The following USP13 variants were observed in gnomAD, a reference collection of about 807,000 sequenced individuals.
USP13 encodes the protein ubiquitin carboxyl-terminal hydrolase 13.
In USP13, 68 loss-of-function variants were observed where a neutral mutation model predicts 107.8. The ratio of observed to expected loss-of-function variants is 0.63; its 90% CI spans 0.52 to 0.77. The LOEUF (loss-of-function observed/expected upper bound fraction) is 0.77, where lower values mean the gene tolerates loss of function less well. USP13 is among the 30% of genes least tolerant of loss of function. The pLI is 0.00. For missense variants in USP13, 945 were observed against 1,093.3 expected (o/e 0.86, Z 1.91); for synonymous variants, 377 against 389.5 (o/e 0.97, Z 0.38).
intron 1 of USP13, among the ~76,000 whole-genome samples, chr3:179,660,986 A>G (rs992045613): frequency 6.6e-6 from 1 of 152,188 alleles, no homozygotes; most frequent in African/African-American, 2.4e-5. Context: ...TTCTGTTGCT[A>G]TTTACCATAT....
In USP13 at chr3:179,785,066, C is replaced by G. The variant is rs568512414; in HGVS notation, c.*925C>G. 2.6e-5 allele frequency: 4 copies of G among 152,266 alleles called. No individual in the cohort carries two copies. The South Asian group carries it at 8.3e-4, about 32-fold the overall frequency. The allele number at this position is 152,266 out of a possible 1,614,324, so 9.4% of individuals were successfully genotyped here. ...TCAAAGGTAGGTAAATTCTCTGTTTCTCAGCAGCCCTTTCCCCAAAAGGTA... is the reference window on the plus strand; with the variant it reads ...TCAAAGGTAGGTAAATTCTCTGTTTGTCAGCAGCCCTTTCCCCAAAAGGTA... On this transcript the variant is annotated 3_prime_UTR_variant, in exon 21 of 21. Transcript: ENST00000263966.
intron 17 of USP13, 43 bp from the exon 18 acceptor site, chr3:179,763,950 CAAAAAAAAA>C (rs556912091): frequency 4.1e-6 from 5 of 1,234,514 alleles, no homozygotes; most frequent in African/African-American, 4.3e-5. Flanking sequence ...TGTTTCAGGA[CAAAAAAAAA>C]AAAAAAAAAA....
At position 179,761,093 on chromosome 3, in the gene USP13, A is replaced by G. The variant is rs1576984798; in HGVS notation, c.1949-19A>G. On this transcript the variant is annotated intron_variant, in intron 16 of 20. Transcript: ENST00000263966. ...ACAGTTTCCTCTTTCACACTAGAAT[A>G]TCCTGTTGTGCTCTGTAGCATCAGA... is the stretch of plus-strand genomic sequence containing the variant. 6.2e-7 allele frequency: 1 copy of G among 1,614,106 alleles called. No individual in the cohort carries two copies. Among genetic ancestry groups the G allele is most frequent in the African/African-American group, 1.3e-5 (1 of 75,050 alleles).
chr3:179,763,027 AT>A (rs1165311311), intron 17 of USP13, among the ~76,000 whole-genome samples: 1 of 152,154 alleles, frequency 6.6e-6, no homozygotes, highest in Non-Finnish European at 1.5e-5. Context: ...TGTATATCTT[AT>A]TTGGAGATAT....
At chr3:179,699,699 CA>C (rs10646420) in intron 3 of USP13, among the ~76,000 whole-genome samples, 1,275 of 118,146 alleles carry the variant, frequency 0.011, 49 homozygotes, top group African/African-American at 0.04. Context: ...CACCCTGCCT[CA>C]AAAAAAAAAA....
chr3:179,758,525 G>A (rs1286687379), intron 16 of USP13, among the ~76,000 whole-genome samples: 3 of 151,236 alleles, frequency 2.0e-5, no homozygotes, highest in African/African-American at 7.3e-5. Context: ...TTGAGACGGA[G>A]TCTTGCTCTA....
chr3:179,658,633 T>C (rs1368867899), intron 1 of USP13, among the ~76,000 whole-genome samples: 1 of 152,190 alleles, frequency 6.6e-6, no homozygotes, highest in Non-Finnish European at 1.5e-5. Flanking sequence ...TGGAGCTGGC[T>C]TCCACAGTGG....
chr3:179,668,679 C>T (rs573890848), intron 1 of USP13, among the ~76,000 whole-genome samples: 3 of 152,280 alleles, frequency 2.0e-5, no homozygotes, highest in Admixed American at 2.0e-4. Context: ...GCCTTGGCCT[C>T]CCAAAGTGCT....
chr3:179,749,438 A>G (rs780206735), intron 13 of USP13, among the ~76,000 whole-genome samples: 1 of 152,212 alleles, frequency 6.6e-6, no homozygotes, highest in Non-Finnish European at 1.5e-5. Context: ...TTTTAATTCC[A>G]GAAATTAATT....
At chr3:179,676,412 A>G (rs566537803) in intron 1 of USP13, among the ~76,000 whole-genome samples, 1 of 152,170 alleles carries the variant, frequency 6.6e-6, no homozygotes, top group South Asian at 2.1e-4. Flanking sequence ...TTGGGTGGTG[A>G]TCTTAGTGAG....
At chr3:179,743,989 A>G (rs528540611) in intron 12 of USP13, among the ~76,000 whole-genome samples, 36 of 148,910 alleles carry the variant, frequency 2.4e-4, no homozygotes, top group African/African-American at 7.7e-4. Context: ...TCAAATTGAC[A>G]TAAAATTTTG....
At chr3:179,662,828 T>TGAG (rs1353020490) in intron 1 of USP13, among the ~76,000 whole-genome samples, 1 of 152,206 alleles carries the variant, frequency 6.6e-6, no homozygotes, top group Admixed American at 6.5e-5. Context: ...TGTGCAACTC[T>TGAG]GAATTCTCTT....
chr3:179,673,400 GC>G (rs5854842), intron 1 of USP13, among the ~76,000 whole-genome samples: 134,342 of 152,036 alleles, frequency 0.88, 59,564 homozygotes, highest in African/African-American at 0.95. Context: ...CAGTTTTCCT[GC>G]CCCCCCTGCC....
intron 19 of USP13, among the ~76,000 whole-genome samples, chr3:179,768,336 G>C (rs1219824963): frequency 6.6e-6 from 1 of 152,172 alleles, no homozygotes; most frequent in Non-Finnish European, 1.5e-5. Context: ...TAATGATAAA[G>C]AACAGCCACA....
intron 6 of USP13, among the ~76,000 whole-genome samples, chr3:179,714,491 G>T (rs1713037454): frequency 1.3e-5 from 2 of 152,306 alleles, no homozygotes; most frequent in South Asian, 4.1e-4. Flanking sequence ...TTATTTAATG[G>T]TGGTCACCCA....
intron 1 of USP13, among the ~76,000 whole-genome samples, chr3:179,660,380 T>C (rs1443237686): frequency 1.1e-4 from 16 of 152,240 alleles, no homozygotes; most frequent in Admixed American, 1.0e-3. Context: ...TCACACAGTA[T>C]TTGTCCTTTC....
chr3:179,684,282 C>CACACACAG lies in USP13; in HGVS notation c.294+2286_294+2287insGACACACA, dbSNP rs777410749. Reference sequence around the variant, plus strand: ...CAGTATCACCCTTTACACACACACACACACACACACACACACACACACACA... The same window carrying CACACACAG: ...CAGTATCACCCTTTACACACACACACACACACAGACACACACACACACACACACACACA... On this transcript the variant is annotated intron_variant, in intron 2 of 20. Coordinates refer to ENST00000263966, the MANE Select transcript of USP13 (RefSeq NM_003940.3). Among the ~76,000 whole-genome samples the CACACACAG allele has an allele frequency of 5.7e-3, 833 of 145,874 alleles. 9 individuals carry two copies. The highest frequency in any genetic ancestry group is 0.017 in the African/African-American group (657 of 38,968).
At chr3:179,747,527 A>G (rs1378157401) in intron 13 of USP13, among the ~76,000 whole-genome samples, 1 of 152,120 alleles carries the variant, frequency 6.6e-6, no homozygotes, top group Non-Finnish European at 1.5e-5. Context: ...GCAGGATGTG[A>G]CACACTGTCT....
intron 19 of USP13, among the ~76,000 whole-genome samples, chr3:179,780,065 A>G (rs1715691726): frequency 6.6e-6 from 1 of 152,220 alleles, no homozygotes; most frequent in Admixed American, 6.5e-5. Flanking sequence ...CAAACTAGGA[A>G]TGGAAGAGAT....
Sources: gnomAD v4.1 joint callset for allele counts (sites outside exome capture counted in the v4.1 genomes callset) on GRCh38, gnomAD v4.1.1 for gene constraint, MANE v1.5 for transcripts, NCBI Gene and HGNC (gene_info 2026-07-23, HGNC 2026-07-21) for gene names.